The following CCT3 variants were observed in gnomAD, a reference collection of about 807,000 sequenced individuals.
CCT3 encodes T-complex protein 1 subunit gamma.
A neutral mutation model predicts 65.3 loss-of-function variants in CCT3; 10 were observed. The ratio of observed to expected loss-of-function variants is 0.15; its 90% confidence interval spans 0.09 to 0.26. CCT3 has a LOEUF of 0.26. Ranked by LOEUF, CCT3 falls within the 10% of genes least tolerant of loss-of-function variation. The pLI, the probability that CCT3 is intolerant of heterozygous loss-of-function variation, is 1.00. For synonymous variants in CCT3, 225 were observed against 242.3 expected, an observed-to-expected ratio of 0.93 and a Z score of 0.66; for missense variants, 626 against 708.7, an observed-to-expected ratio of 0.88 and a Z score of 1.33.
Position 156,310,600 on chromosome 1 carries a change from C to G in CCT3, c.1491G>C (p.Glu497Asp). The G allele has an allele frequency of 6.2e-7, 1 of 1,613,944 alleles. No individual in the cohort carries two copies. The highest frequency in any genetic ancestry group is 1.1e-5 in the South Asian group (1 of 91,062). The part of the protein sequence containing the change: ...LVDMKELGIW[E>D]PLAVKLQTYK... ...AAGTCTGCAGCTTCACAGCCAATGG[C>G]TCCCATATGCCCAGTTCCTTCATGT... Residue 497 changes from glutamate to aspartate, a missense_variant, in exon 13 of 14, where the codon GAG (glutamate) becomes GAC (aspartate). Transcript: ENST00000295688.
At chr1:156,320,508 G>A (rs537216054) in intron 7 of CCT3, among the ~76,000 whole-genome samples, 2 of 152,344 alleles carry the variant, frequency 1.3e-5, no homozygotes, top group African/African-American at 4.8e-5. Context: ...AGCACTTTGA[G>A]AGCCTGAGGT....
rs551009348 is a variant in CCT3 at position 156,321,041 on chromosome 1, C to A, written c.423-16G>T. 2.3e-5 allele frequency: 37 copies of A among 1,606,236 alleles called. No homozygotes were observed. In the African/African-American group the frequency reaches 4.3e-4, roughly 19 times the overall value. ...GACTGGGATACTAGAGAAAAGAAAA[C>A]CAGACGATATGTGAAGAAGGCATGT... On this transcript the variant is annotated splice_polypyrimidine_tract_variant and intron_variant, in intron 6 of 13. Transcript: ENST00000295688.
chr1:156,334,239 CA>C (rs34500374), intron 4 of CCT3, among the ~76,000 whole-genome samples: 40,978 of 118,272 alleles, frequency 0.35, 5,770 homozygotes, highest in African/African-American at 0.47. Context: ...GACTCCGTCT[CA>C]AAAAAAAAAA....
intron 6 of CCT3, among the ~76,000 whole-genome samples, chr1:156,324,530 GGA>G (rs1384230310): frequency 1.3e-5 from 2 of 152,034 alleles, no homozygotes; most frequent in African/African-American, 4.8e-5. Flanking sequence ...GGAGTGCAGT[GGA>G]GAGATCTTGG....
intron 12 of CCT3, 123 bp downstream of exon 12, chr1:156,310,827 G>T: frequency 6.9e-7 from 1 of 1,457,768 alleles, no homozygotes; most frequent in East Asian, 2.3e-5. Flanking sequence ...AAGACTAAAA[G>T]GAGAGAAAGA....
At chr1:156,334,617 G>A in intron 4 of CCT3, 96 bp downstream of exon 4, 3 of 1,087,418 alleles carry the variant, frequency 2.8e-6, no homozygotes, top group Admixed American at 2.1e-5. Context: ...TGTTATAGCA[G>A]CCCTAAAAAA....
chr1:156,324,745 A>T (rs1365103978), intron 6 of CCT3, among the ~76,000 whole-genome samples: 1 of 152,092 alleles, frequency 6.6e-6, no homozygotes, highest in East Asian at 1.9e-4. Flanking sequence ...CTCCTGCCTC[A>T]GCCTCCCAAG....
chr1:156,332,234 GA>G (rs1184688770), intron 5 of CCT3, among the ~76,000 whole-genome samples: 1 of 152,088 alleles, frequency 6.6e-6, no homozygotes, highest in Non-Finnish European at 1.5e-5. Context: ...GGCTGGTCTC[GA>G]ACTCCTGACC....
At chr1:156,310,794 T>C (rs1664051507) in intron 12 of CCT3, 105 bp from the exon 13 acceptor site, 3 of 1,455,184 alleles carry the variant, frequency 2.1e-6, no homozygotes, top group Non-Finnish European at 2.8e-6. Context: ...CAGGGAAAAA[T>C]GGCAATGACA....
intron 10 of CCT3, among the ~76,000 whole-genome samples, chr1:156,316,056 T>G (rs1664298819): frequency 7.5e-6 from 1 of 133,932 alleles, no homozygotes; most frequent in South Asian, 2.8e-4. Context: ...GCCCTCTATA[T>G]CCGCAGGTCC....
chr1:156,315,759 C>T (rs963022467), intron 10 of CCT3, among the ~76,000 whole-genome samples: 2 of 152,060 alleles, frequency 1.3e-5, no homozygotes, highest in East Asian at 3.8e-4. Context: ...GTCATCACTA[C>T]TATAACCAGA....
At chr1:156,336,998 C>T (rs1353203320) in intron 1 of CCT3, 1 of 948,560 alleles carries the variant, frequency 1.1e-6, no homozygotes, top group African/African-American at 1.8e-5. Flanking sequence ...AGTCAGTATA[C>T]AGAAGACGGT....
At position 156,322,886 on chromosome 1, in the gene CCT3, C is replaced by A. The variant is rs372911006; in HGVS notation, c.423-1861G>T. On this transcript the variant is annotated intron_variant, in intron 6 of 13. Coordinates refer to ENST00000295688, the MANE Select transcript of CCT3 (RefSeq NM_005998.5). The stretch of plus-strand genomic sequence containing the variant: ...AAAAAAAGGCTTTCTAAGCGTGAAG[C>A]TCCACACAATAAAACCTTTGGGTAC... Among the ~76,000 whole-genome samples, 5 of 152,214 alleles carry A rather than the reference C, an allele frequency of 3.3e-5. No individual in the cohort carries two copies. The East Asian group carries it at 9.7e-4, about 29-fold the overall frequency.
At chr1:156,331,798 C>T (rs1665107859) in intron 5 of CCT3, among the ~76,000 whole-genome samples, 1 of 152,090 alleles carries the variant, frequency 6.6e-6, no homozygotes, top group Admixed American at 6.5e-5. Flanking sequence ...CTTTGGGAGG[C>T]AGAGGCGGGC....
chr1:156,314,954 C>A (rs1015981483), intron 10 of CCT3, among the ~76,000 whole-genome samples: 1 of 152,134 alleles, frequency 6.6e-6, no homozygotes, highest in Non-Finnish European at 1.5e-5. Context: ...GGAAGAGGGA[C>A]TGGTACTATA....
rs1234174955 is a variant in CCT3 at position 156,334,341 on chromosome 1, T to A, written c.207+372A>T. ...TTTTTGCAGATGTAACCAAGTTAGA[T>A]AAGGTCATTCTGAATTAGGGTGGGC... On this transcript the variant is annotated intron_variant, in intron 4 of 13. Transcript: ENST00000295688. Among the ~76,000 whole-genome samples, 3 of 152,230 alleles carry A rather than the reference T, an allele frequency of 2.0e-5. No homozygotes were observed. The South Asian group carries it at 6.2e-4, about 32-fold the overall frequency.
In CCT3 at chr1:156,333,646, A is replaced by G. The variant is rs548698042; in HGVS notation, c.208-3T>C. 32 of 1,611,826 alleles carry G rather than the reference A, an allele frequency of 2.0e-5. No homozygotes were observed. Among genetic ancestry groups the G allele is most frequent in the East Asian group, 1.1e-4 (5 of 44,862 alleles). On this transcript the variant is annotated splice_region_variant and splice_polypyrimidine_tract_variant and intron_variant, in intron 4 of 13. Coordinates refer to ENST00000295688, the MANE Select transcript of CCT3 (RefSeq NM_005998.5). ...GCCGCTGGATGCTGGACTTGAATCT[A>G]AAAAGGTAGATCACTAGTGAATTCA...
At chr1:156,311,679 G>A (rs986713385) in intron 11 of CCT3, among the ~76,000 whole-genome samples, 4 of 152,098 alleles carry the variant, frequency 2.6e-5, no homozygotes, top group East Asian at 1.9e-4. Flanking sequence ...TAACTTCAAC[G>A]TAAAAAATAA....
chr1:156,320,757 G>T, intron 7 of CCT3, 82 bp downstream of exon 7: 2 of 1,062,172 alleles, frequency 1.9e-6, no homozygotes, highest in Non-Finnish European at 1.4e-6. Flanking sequence ...ACAACGGCAT[G>T]AAAAACAGAC....
Sources: gnomAD v4.1 joint callset for allele counts (sites outside exome capture counted in the v4.1 genomes callset) on GRCh38, gnomAD v4.1.1 for gene constraint, MANE v1.5 for transcripts, NCBI Gene and HGNC (gene_info 2026-07-23, HGNC 2026-07-21) for gene names.